Variants in PTPRT observed in about 807,000 individuals in gnomAD.
PTPRT encodes receptor-type tyrosine-protein phosphatase T.
In PTPRT, 56 loss-of-function variants were observed where a neutral mutation model predicts 176.8. That is an observed-to-expected ratio of 0.32 (90% CI 0.26 to 0.40). The LOEUF is 0.40. PTPRT is among the 10% of genes least tolerant of loss of function. The pLI is 1.00. For missense variants in PTPRT, 1,540 were observed against 1,908.2 expected (o/e 0.81, Z 3.60); for synonymous variants, 783 against 739.0 (o/e 1.06, Z -0.96).
chr20:42,994,284 C>CTCT (rs998700758), intron 1 of PTPRT, among the ~76,000 whole-genome samples: 49 of 152,166 alleles, frequency 3.2e-4, no homozygotes, highest in African/African-American at 1.1e-3. Flanking sequence ...CACACTTTTT[C>CTCT]TCTTCTTCCT....
chr20:42,323,320 T>C (rs1351987328), intron 11 of PTPRT, among the ~76,000 whole-genome samples: 8 of 152,178 alleles, frequency 5.3e-5, no homozygotes, highest in Admixed American at 2.0e-4. Context: ...CATATGTTTA[T>C]TGCGGCACTA....
rs1241297926 is a variant in PTPRT, at chr20:42,184,519, CT to C, written c.2491+14720del. Among the ~76,000 whole-genome samples, 167 of 97,690 alleles carry C rather than the reference CT, an allele frequency of 1.7e-3. 2 individuals carry two copies. Among genetic ancestry groups the C allele is most frequent in the African/African-American group, 5.9e-3 (153 of 26,098 alleles). 64.1% of individuals were successfully genotyped at this position (97,690 alleles called of 152,430 possible). On this transcript the variant is annotated intron_variant, in intron 16 of 30. Transcript: ENST00000373187. ...TCCCCCCTTCCTCCTCCTCCTCCTCCTTCTTCTTCTTCTTCCTCTTCCTCTT... is the reference window on the plus strand; with the variant it reads ...TCCCCCCTTCCTCCTCCTCCTCCTCCTCTTCTTCTTCTTCCTCTTCCTCTT...
chr20:42,515,211 A>C (rs1463732238), intron 7 of PTPRT, among the ~76,000 whole-genome samples: 1 of 152,198 alleles, frequency 6.6e-6, no homozygotes, highest in South Asian at 2.1e-4. Flanking sequence ...AAGTTTGGGC[A>C]TGGTGGCTCA....
chr20:43,070,171 G>T (rs1484082806), intron 1 of PTPRT, among the ~76,000 whole-genome samples: 2 of 152,100 alleles, frequency 1.3e-5, no homozygotes, highest in Non-Finnish European at 2.9e-5. Context: ...CATGCTGCTG[G>T]TGCACAGTCC....
chr20:42,500,150 T>A (rs186124652), intron 7 of PTPRT, among the ~76,000 whole-genome samples: 197 of 152,184 alleles, frequency 1.3e-3, no homozygotes, highest in African/African-American at 4.7e-3. Context: ...TTTTGATATA[T>A]GTTTTATTTT....
intron 9 of PTPRT, among the ~76,000 whole-genome samples, chr20:42,362,744 C>G (rs1029107693): frequency 2.0e-5 from 3 of 152,046 alleles, no homozygotes; most frequent in African/African-American, 7.2e-5. Context: ...AAGGGGAAGC[C>G]AGGTGATGGG....
chr20:42,071,226 C>T (rs1982318640), downstream of PTPRT, among the ~76,000 whole-genome samples: 1 of 152,198 alleles, frequency 6.6e-6, no homozygotes, highest in South Asian at 2.1e-4. Flanking sequence ...AGGCTTATAT[C>T]TGGACACATA....
intron 1 of PTPRT, among the ~76,000 whole-genome samples, chr20:43,021,810 G>GAAAA (rs3092422): frequency 8.4e-5 from 12 of 142,812 alleles, no homozygotes; most frequent in East Asian, 4.1e-4. Context: ...GGAGATACAG[G>GAAAA]AAAAAAAAAA....
At chr20:42,583,308 T>C (rs1026819894) in intron 7 of PTPRT, among the ~76,000 whole-genome samples, 2 of 152,212 alleles carry the variant, frequency 1.3e-5, no homozygotes, top group African/African-American at 2.4e-5. Flanking sequence ...TCAGAGTTAT[T>C]TGCTCAAAGG....
intron 5 of PTPRT, among the ~76,000 whole-genome samples, chr20:42,760,656 A>G (rs2076902596): frequency 6.6e-6 from 1 of 152,198 alleles, no homozygotes; most frequent in African/African-American, 2.4e-5. Context: ...TGGCTTACAT[A>G]ATAGACTGTT....
rs181224242 is a variant in PTPRT at position 42,154,339 on chromosome 20, G to A, written c.2682+7013C>T. On this transcript the variant is annotated intron_variant, in intron 17 of 30. Coordinates refer to ENST00000373187, the MANE Select transcript of PTPRT (RefSeq NM_007050.6). The stretch of plus-strand genomic sequence containing the variant: ...CTGAGCAGAGAAGGGAGCACCTGGG[G>A]TGACCTGAAACTTCCATCTCTATAG... Among the ~76,000 whole-genome samples the A allele has an allele frequency of 3.3e-5, 5 of 152,228 alleles. No individual in the cohort carries two copies. In the East Asian group the frequency reaches 9.6e-4, roughly 29 times the overall value.
chr20:43,163,480 T>C (rs889945620), intron 1 of PTPRT, among the ~76,000 whole-genome samples: 7 of 151,828 alleles, frequency 4.6e-5, no homozygotes, highest in Admixed American at 6.6e-5. Flanking sequence ...CTACTAAAAA[T>C]ATAAAAAATT....
At chr20:43,074,751 G>C (rs1174711356) in intron 1 of PTPRT, among the ~76,000 whole-genome samples, 1 of 152,188 alleles carries the variant, frequency 6.6e-6, no homozygotes, top group East Asian at 1.9e-4. Flanking sequence ...ATTGGGTCTT[G>C]CCATTTCAAG....
At chr20:42,239,938 T>A (rs1229896476) in intron 14 of PTPRT, among the ~76,000 whole-genome samples, 1 of 152,174 alleles carries the variant, frequency 6.6e-6, no homozygotes. Flanking sequence ...AGGCTTTGTG[T>A]ATCTTTGGAC....
intron 11 of PTPRT, among the ~76,000 whole-genome samples, chr20:42,343,241 C>T (rs1474864940): frequency 6.6e-6 from 1 of 152,208 alleles, no homozygotes; most frequent in East Asian, 1.9e-4. Context: ...ACCACCTTTG[C>T]CACCATTCGC....
chr20:42,241,093 T>C (rs1600717958), intron 14 of PTPRT, among the ~76,000 whole-genome samples: 1 of 152,216 alleles, frequency 6.6e-6, no homozygotes, highest in South Asian at 2.1e-4. Context: ...TTAAGTGGCA[T>C]GGCAGGGATT....
At chr20:42,752,980 C>T (rs750469067) in intron 6 of PTPRT, among the ~76,000 whole-genome samples, 23 of 151,974 alleles carry the variant, frequency 1.5e-4, no homozygotes, top group Non-Finnish European at 2.5e-4. Context: ...TGTTTGGGGT[C>T]GGGGCAGGGG....
chr20:42,489,096 C>T (rs6030272), intron 7 of PTPRT, among the ~76,000 whole-genome samples: 19,607 of 142,766 alleles, frequency 0.14, 3,042 homozygotes, highest in African/African-American at 0.39. Context: ...TTATTTTTAT[C>T]TTTTTACCTT....
chr20:42,588,448 A>C (rs6093680), intron 7 of PTPRT, among the ~76,000 whole-genome samples: 4 of 147,950 alleles, frequency 2.7e-5, no homozygotes, highest in African/African-American at 9.9e-5. Context: ...ACTGTCCCCA[A>C]AAAAAAAGCA....
Sources: gnomAD v4.1 joint callset for allele counts (sites outside exome capture counted in the v4.1 genomes callset) on GRCh38, gnomAD v4.1.1 for gene constraint, MANE v1.5 for transcripts, NCBI Gene and HGNC (gene_info 2026-07-23, HGNC 2026-07-21) for gene names.